NRXN3: variants seen among roughly 807,000 people sequenced by gnomAD.
NRXN3 encodes the protein neurexin 3, also known as neurexin III.
In NRXN3, 32 loss-of-function variants were observed where a neutral mutation model predicts 137.6. That is an observed-to-expected ratio of 0.23 (90% CI 0.18 to 0.31). The LOEUF (loss-of-function observed/expected upper bound fraction) is 0.31, where lower values mean the gene tolerates loss of function less well. Among genes scored for constraint, NRXN3 ranks in the 10% least tolerant of loss-of-function variants. The probability of loss-of-function intolerance (pLI) is 1.00; values close to 1 mark genes in which losing one functional copy is unlikely to be tolerated. For synonymous variants in NRXN3, 798 were observed against 784.5 expected, an observed-to-expected ratio of 1.02 and a Z score of -0.29; for missense variants, 1,574 against 2,062.5, an observed-to-expected ratio of 0.76 and a Z score of 4.59.
chr14:78,421,189 G>A (rs2093427431), intron 4 of NRXN3, among the ~76,000 whole-genome samples: 1 of 151,884 alleles, frequency 6.6e-6, no homozygotes, highest in African/African-American at 2.4e-5. Context: ...CTTGAACCCG[G>A]GAGGCGGAGC....
chr14:78,721,346 C>A (rs932732860), intron 8 of NRXN3, among the ~76,000 whole-genome samples: 2 of 152,110 alleles, frequency 1.3e-5, no homozygotes, highest in Admixed American at 1.3e-4. Context: ...AAATGTCTGA[C>A]CTGGAGATGG....
At chr14:79,308,251 G>A (rs1422284048) in intron 15 of NRXN3, among the ~76,000 whole-genome samples, 4 of 152,110 alleles carry the variant, frequency 2.6e-5, no homozygotes, top group Non-Finnish European at 5.9e-5. Flanking sequence ...TCCTTTGTAT[G>A]TCTTGAGAAT....
intron 4 of NRXN3, among the ~76,000 whole-genome samples, chr14:78,335,896 T>G (rs2081405898): frequency 6.6e-6 from 1 of 152,176 alleles, no homozygotes; most frequent in Non-Finnish European, 1.5e-5. Context: ...AGAGCATCGC[T>G]AAGGTAACCA....
intron 17 of NRXN3, among the ~76,000 whole-genome samples, chr14:79,688,233 T>TAAG (rs2098703090): frequency 6.6e-6 from 1 of 152,098 alleles, no homozygotes; most frequent in Admixed American, 6.6e-5. Flanking sequence ...TATTCTATAC[T>TAAG]AAGTCCTATG....
chr14:79,348,818 T>C (rs556277093), intron 15 of NRXN3, among the ~76,000 whole-genome samples: 1 of 152,202 alleles, frequency 6.6e-6, no homozygotes, highest in African/African-American at 2.4e-5. Context: ...TTCTGCATGA[T>C]CAATTACTGC....
chr14:79,262,325 GGAGGAA>G (rs1190115708), intron 15 of NRXN3, among the ~76,000 whole-genome samples: 1 of 149,976 alleles, frequency 6.7e-6, no homozygotes, highest in African/African-American at 2.5e-5. Flanking sequence ...AAAAAAAGAA[GGAGGAA>G]GAGGAAGAGA....
intron 8 of NRXN3, among the ~76,000 whole-genome samples, chr14:78,780,203 A>T (rs1454548459): frequency 6.6e-6 from 1 of 152,224 alleles, no homozygotes; most frequent in Admixed American, 6.5e-5. Flanking sequence ...GAAAATCATT[A>T]GTTAATAAAC....
chr14:79,231,373 G>T (rs537117999), intron 15 of NRXN3, among the ~76,000 whole-genome samples: 1 of 152,088 alleles, frequency 6.6e-6, no homozygotes, highest in East Asian at 1.9e-4. Flanking sequence ...AGCCAATGTG[G>T]GTGCCTATTA....
intron 15 of NRXN3, among the ~76,000 whole-genome samples, chr14:79,151,771 G>C (rs1243729780): frequency 6.6e-6 from 1 of 151,936 alleles, no homozygotes; most frequent in African/African-American, 2.4e-5. Flanking sequence ...TAGTTGCTGA[G>C]ACAATTGTCC....
At chr14:79,509,620 G>A (rs928502861) in intron 16 of NRXN3, among the ~76,000 whole-genome samples, 2 of 151,420 alleles carry the variant, frequency 1.3e-5, no homozygotes, top group Non-Finnish European at 2.9e-5. Flanking sequence ...TATATGAAAA[G>A]AGCAGAATTT....
At chr14:78,494,421 GTTTTGT>G (rs2095731618) in intron 4 of NRXN3, among the ~76,000 whole-genome samples, 1 of 132,442 alleles carries the variant, frequency 7.6e-6, no homozygotes, top group Non-Finnish European at 1.7e-5. Context: ...TACCAGAGGT[GTTTTGT>G]TTTTTTTTTT....
At chr14:79,810,118 A>G (rs1369712388) in intron 20 of NRXN3, among the ~76,000 whole-genome samples, 2 of 152,194 alleles carry the variant, frequency 1.3e-5, no homozygotes, top group Non-Finnish European at 2.9e-5. Flanking sequence ...ATAATTAGAT[A>G]TGATCAACTT....
In NRXN3 at chr14:78,215,266, G is replaced by A. The variant is rs72683790; in HGVS notation, c.-703-27125G>A. On this transcript the variant is annotated intron_variant, in intron 1 of 20. Transcript: ENST00000335750. ...TGTATTTCTAAAAAGGAGCTAAAAC[G>A]TTTTTGGAGCATCGGCTCTATGGAG... is the stretch of plus-strand genomic sequence containing the variant. Among the ~76,000 whole-genome samples, 1,387 of 152,226 alleles carry A rather than the reference G, an allele frequency of 9.1e-3. 22 individuals are homozygous for A. The highest frequency in any genetic ancestry group is 0.053 in the East Asian group (274 of 5,164).
intron 16 of NRXN3, among the ~76,000 whole-genome samples, chr14:79,625,946 G>A (rs935149723): frequency 1.3e-5 from 2 of 152,136 alleles, no homozygotes; most frequent in African/African-American, 4.8e-5. Flanking sequence ...TAGGACCGGT[G>A]TAAGGATTAA....
chr14:79,842,673 T>C (rs2099358545), intron 20 of NRXN3, among the ~76,000 whole-genome samples: 1 of 152,214 alleles, frequency 6.6e-6, no homozygotes, highest in Non-Finnish European at 1.5e-5. Flanking sequence ...TATATATATA[T>C]AGTAAAATAG....
intron 20 of NRXN3, among the ~76,000 whole-genome samples, chr14:79,857,970 C>G (rs2099406342): frequency 6.6e-6 from 1 of 152,058 alleles, no homozygotes; most frequent in African/African-American, 2.4e-5. Flanking sequence ...AACTAGAGAT[C>G]AGTAGTTCTG....
At chr14:78,859,517 C>T (rs572806415) in intron 10 of NRXN3, among the ~76,000 whole-genome samples, 37 of 152,024 alleles carry the variant, frequency 2.4e-4, no homozygotes, top group Non-Finnish European at 4.1e-4. Context: ...TTGAGCTTGG[C>T]GTTTATAACA....
chr14:78,913,081 A>G (rs1286039294), intron 10 of NRXN3, among the ~76,000 whole-genome samples: 1 of 152,136 alleles, frequency 6.6e-6, no homozygotes, highest in Non-Finnish European at 1.5e-5. Flanking sequence ...GGCAAACACT[A>G]AACAAGATAC....
intron 2 of NRXN3, among the ~76,000 whole-genome samples, chr14:78,274,796 G>C (rs142578887): frequency 2.0e-5 from 3 of 152,270 alleles, no homozygotes; most frequent in Non-Finnish European, 4.4e-5. Context: ...TTCCTGTTTT[G>C]TTCCTACTGT....
Sources: allele counts gnomAD v4.1 joint callset (sites outside exome capture counted in the v4.1 genomes callset), GRCh38; gene constraint gnomAD v4.1.1; transcripts MANE v1.5; gene names NCBI Gene and HGNC (gene_info 2026-07-23, HGNC 2026-07-21).